Variants in SCRN1 observed in about 807,000 individuals in gnomAD.
SCRN1 encodes secernin 1.
In SCRN1, 19 loss-of-function variants were observed where a neutral mutation model predicts 43.3. The observed-to-expected ratio is 0.44, with a 90% CI of 0.31 to 0.64. SCRN1 has a LOEUF of 0.64. SCRN1 is among the 30% of genes least tolerant of loss of function. The probability of loss-of-function intolerance (pLI) is 0.09; values close to 1 mark genes in which losing one functional copy is unlikely to be tolerated. For synonymous variants in SCRN1, 183 were observed against 188.9 expected (o/e 0.97, Z 0.26); for missense variants, 447 against 524.1 (o/e 0.85, Z 1.44).
chr7:29,934,430 C>T (rs1787255512), intron 6 of SCRN1, among the ~76,000 whole-genome samples: 1 of 152,200 alleles, frequency 6.6e-6, no homozygotes, highest in Non-Finnish European at 1.5e-5. Context: ...GCTCAACTCA[C>T]TCTTTGGAAG....
chr7:29,957,342 AG>A (rs1788168493), intron 2 of SCRN1, among the ~76,000 whole-genome samples: 1 of 152,210 alleles, frequency 6.6e-6, no homozygotes, highest in African/African-American at 2.4e-5. Flanking sequence ...AGTGTCTCCC[AG>A]GCCTGCCTGC....
At chr7:29,989,950 T>G, upstream of SCRN1, 15 of 1,207,138 alleles carry the variant, frequency 1.2e-5, no homozygotes, top group East Asian at 9.9e-5. Flanking sequence ...CACCGTCGAG[T>G]AGGGAGGGGG....
At chr7:29,924,369 A>C (rs1224001484) in intron 7 of SCRN1, among the ~76,000 whole-genome samples, 1 of 152,202 alleles carries the variant, frequency 6.6e-6, no homozygotes, top group Non-Finnish European at 1.5e-5. Context: ...CACTGAGGGA[A>C]GGCCCTTCTG....
intron 3 of SCRN1, among the ~76,000 whole-genome samples, chr7:29,954,667 T>G (rs1788070086): frequency 6.6e-6 from 1 of 152,202 alleles, no homozygotes. Context: ...CTTTAGTATG[T>G]ATCTATACTT....
At chr7:29,927,462 C>A (rs1048823639) in intron 6 of SCRN1, among the ~76,000 whole-genome samples, 4 of 149,470 alleles carry the variant, frequency 2.7e-5, no homozygotes, top group Admixed American at 6.8e-5. Flanking sequence ...CCAACTGTAA[C>A]GCCGGGGAGA....
chr7:29,932,346 T>C (rs1391791005), intron 6 of SCRN1, among the ~76,000 whole-genome samples: 1 of 152,152 alleles, frequency 6.6e-6, no homozygotes, highest in South Asian at 2.1e-4. Flanking sequence ...TTGAATTATC[T>C]AGATGGTAAT....
At chr7:29,986,002 A>C (rs921748612) in intron 1 of SCRN1, among the ~76,000 whole-genome samples, 1 of 152,350 alleles carries the variant, frequency 6.6e-6, no homozygotes, top group African/African-American at 2.4e-5. Context: ...TGGGAGGCCG[A>C]GGCGGGCAGA....
At chr7:29,930,672 G>T (rs1246803437) in intron 6 of SCRN1, among the ~76,000 whole-genome samples, 1 of 152,212 alleles carries the variant, frequency 6.6e-6, no homozygotes, top group African/African-American at 2.4e-5. Context: ...GGCTGATTCT[G>T]CCTCTGTCCT....
At chr7:29,932,498 A>C (rs951883610) in intron 6 of SCRN1, among the ~76,000 whole-genome samples, 70 of 151,610 alleles carry the variant, frequency 4.6e-4, no homozygotes, top group African/African-American at 1.6e-3. Context: ...ACTAAAAATA[A>C]AAAATTAGCC....
intron 2 of SCRN1, among the ~76,000 whole-genome samples, chr7:29,960,980 A>C (rs1307786406): frequency 6.6e-6 from 1 of 152,162 alleles, no homozygotes; most frequent in African/African-American, 2.4e-5. Flanking sequence ...GGGATGTTCC[A>C]ATCGCAAACT....
intron 6 of SCRN1, among the ~76,000 whole-genome samples, chr7:29,935,711 A>G (rs17158528): frequency 0.059 from 9,060 of 152,310 alleles, 351 homozygotes; most frequent in African/African-American, 0.1. Flanking sequence ...TACTGATGAT[A>G]TGATTCCTGA....
chr7:29,976,166 C>T (rs190539690), intron 1 of SCRN1, among the ~76,000 whole-genome samples: 18 of 152,340 alleles, frequency 1.2e-4, no homozygotes, highest in African/African-American at 4.3e-4. Context: ...CAGACCAACG[C>T]TGTCCAGGAG....
intron 1 of SCRN1, among the ~76,000 whole-genome samples, chr7:29,985,788 TAC>T (rs1789131021): frequency 6.6e-6 from 1 of 152,198 alleles, no homozygotes; most frequent in Admixed American, 6.5e-5. Flanking sequence ...TCTCTCCCTT[TAC>T]AGTTTCCCTG....
intron 1 of SCRN1, among the ~76,000 whole-genome samples, chr7:29,972,421 A>G (rs1476918685): frequency 1.3e-5 from 2 of 152,202 alleles, no homozygotes; most frequent in Admixed American, 6.5e-5. Flanking sequence ...AATAAAACCC[A>G]TGGGGTTTTG....
intron 3 of SCRN1, among the ~76,000 whole-genome samples, chr7:29,953,547 C>A (rs971090255): frequency 2.6e-4 from 39 of 151,152 alleles, no homozygotes; most frequent in Admixed American, 1.4e-3. Context: ...AAAAAAAAAA[C>A]TTCTTGTTAT....
At chr7:29,990,213 T>G (rs1398412727), upstream of SCRN1, 3 of 1,551,512 alleles carry the variant, frequency 1.9e-6, no homozygotes, top group Admixed American at 5.9e-5. Flanking sequence ...GTCGAGTCCC[T>G]GGTTTTAAAA....
At chr7:29,946,902 G>A (rs1787755181) in intron 3 of SCRN1, among the ~76,000 whole-genome samples, 1 of 152,244 alleles carries the variant, frequency 6.6e-6, no homozygotes, top group Non-Finnish European at 1.5e-5. Context: ...GGGTGCAGAA[G>A]AGATGCCAGA....
At chr7:29,939,030 G>T (rs1787440427) in intron 5 of SCRN1, among the ~76,000 whole-genome samples, 1 of 151,680 alleles carries the variant, frequency 6.6e-6, no homozygotes, top group Non-Finnish European at 1.5e-5. Flanking sequence ...TGATGTTTTG[G>T]CAACATTATT....
chr7:29,939,027 T>C (rs1787440166), intron 5 of SCRN1, among the ~76,000 whole-genome samples: 1 of 152,220 alleles, frequency 6.6e-6, no homozygotes, highest in African/African-American at 2.4e-5. Flanking sequence ...AGTTGATGTT[T>C]TGGCAACATT....
Sources: allele counts gnomAD v4.1 joint callset (sites outside exome capture counted in the v4.1 genomes callset), GRCh38; gene constraint gnomAD v4.1.1; transcripts MANE v1.5; gene names NCBI Gene and HGNC (gene_info 2026-07-23, HGNC 2026-07-21).